The following CAPRIN1 variants were observed in gnomAD, a reference collection of about 807,000 sequenced individuals.
CAPRIN1 encodes cell cycle associated protein 1.
CAPRIN1 carries 29 observed loss-of-function variants against 100.9 expected under a neutral mutation model. The observed-to-expected ratio is 0.29, with a 90% confidence interval of 0.21 to 0.39. The LOEUF (loss-of-function observed/expected upper bound fraction) is 0.39. CAPRIN1 is among the 10% of genes least tolerant of loss of function. The pLI is 1.00. For synonymous variants in CAPRIN1, 338 were observed against 307.5 expected, an observed-to-expected ratio of 1.10 and a Z score of -1.04; for missense variants, 795 against 876.7, an observed-to-expected ratio of 0.91 and a Z score of 1.18.
chr11:34,094,759 T>C (rs1851335294), intron 15 of CAPRIN1, among the ~76,000 whole-genome samples: 1 of 152,262 alleles, frequency 6.6e-6, no homozygotes, highest in Non-Finnish European at 1.5e-5. Flanking sequence ...ATTATTTGAC[T>C]GAACTCCAAC....
chr11:34,100,565 CGTTA>C lies in CAPRIN1; in HGVS notation c.*1201_*1204del, dbSNP rs1192795878. The C allele has an allele frequency of 6.6e-6, 1 of 152,178 alleles. No homozygotes were observed. The highest frequency in any genetic ancestry group is 1.5e-5 in the Non-Finnish European group (1 of 68,014). The allele number at this position is 152,178 out of a possible 1,614,324, so 9.4% of individuals were successfully genotyped here. On this transcript the variant is annotated 3_prime_UTR_variant, in exon 19 of 19. Coordinates refer to ENST00000341394, the MANE Select transcript of CAPRIN1 (RefSeq NM_005898.5). The stretch of plus-strand genomic sequence containing the variant: ...AGCTTATGTGATTCACCCCATGCCA[CGTTA>C]GTGTCACAAATTTTATGGTTTATCT...
At position 34,087,354 on chromosome 11, in the gene CAPRIN1, G is replaced by A; in HGVS notation, c.1231+941G>A. Among the ~76,000 whole-genome samples the A allele has an allele frequency of 3.7e-5, 2 of 54,006 alleles. 1 individual carries two copies. Among genetic ancestry groups the A allele is most frequent in the South Asian group, 1.1e-3 (2 of 1,836 alleles). 35.4% of individuals were successfully genotyped at this position (54,006 alleles called of 152,430 possible). On this transcript the variant is annotated intron_variant, in intron 11 of 18. Coordinates refer to ENST00000341394, the MANE Select transcript of CAPRIN1 (RefSeq NM_005898.5). ...ATTTTTTTTTTTTTTTTTTTTTTGA[G>A]ACGGAGTCTCGCTCTGTCGCCCAGG...
chr11:34,070,505 C>T (rs543842490), intron 2 of CAPRIN1, among the ~76,000 whole-genome samples: 1 of 152,248 alleles, frequency 6.6e-6, no homozygotes, highest in African/African-American at 2.4e-5. Context: ...AGTGATTCTC[C>T]CACCTCAACC....
intron 16 of CAPRIN1, 46 bp downstream of exon 16, chr11:34,096,719 AATT>A: frequency 6.9e-7 from 1 of 1,446,916 alleles, no homozygotes. Context: ...TACTAGTTCA[AATT>A]ATTTTTTGAT....
At position 34,092,789 on chromosome 11, in the gene CAPRIN1, A is replaced by G. The variant is rs576822999; in HGVS notation, c.1705+733A>G. Among the ~76,000 whole-genome samples the G allele has an allele frequency of 1.6e-4, 24 of 152,248 alleles. No homozygotes were observed. The South Asian group carries it at 1.7e-3, about 11-fold the overall frequency. On this transcript the variant is annotated intron_variant, in intron 15 of 18. Coordinates refer to ENST00000341394, the MANE Select transcript of CAPRIN1 (RefSeq NM_005898.5). ...CGTGGACTGGGTTGAAACATAATCT[A>G]TTTTGTCAAGTAAGGTCATAATTTG...
At chr11:34,054,634 G>A (rs956922153) in intron 2 of CAPRIN1, among the ~76,000 whole-genome samples, 2 of 152,020 alleles carry the variant, frequency 1.3e-5, no homozygotes, top group Non-Finnish European at 2.9e-5. Flanking sequence ...TCACCCTGTT[G>A]GCCAGGATTG....
At position 34,101,813 on chromosome 11, in the gene CAPRIN1, AATGCAT is replaced by A. The variant is rs1486960155; in HGVS notation, c.*2449_*2454del. On this transcript the variant is annotated 3_prime_UTR_variant, in exon 19 of 19. Transcript: ENST00000341394. ...CTGCAGAAGGCCTTTTGTTTGGTCAAATGCATATTTTAGCAGAGTTTCAAGGAAATG... is the reference window on the plus strand; with the variant it reads ...CTGCAGAAGGCCTTTTGTTTGGTCAAATTTTAGCAGAGTTTCAAGGAAATG... Among the ~76,000 whole-genome samples, 1 of 152,146 alleles carries A rather than the reference AATGCAT, an allele frequency of 6.6e-6. No homozygotes were observed. Among genetic ancestry groups the A allele is most frequent in the African/African-American group, 2.4e-5 (1 of 41,452 alleles).
At chr11:34,098,791 A>G in intron 18 of CAPRIN1, 1 of 984,598 alleles carries the variant, frequency 1.0e-6, no homozygotes, top group Non-Finnish European at 1.2e-6. Context: ...AAGTTATTTT[A>G]TCTGTTAAAA....
intron 7 of CAPRIN1, among the ~76,000 whole-genome samples, chr11:34,081,831 G>C (rs1288085487): frequency 1.3e-5 from 2 of 151,158 alleles, no homozygotes; most frequent in Admixed American, 6.6e-5. Flanking sequence ...GGGACAGGGG[G>C]CACTGAGTCT....
chr11:34,068,400 G>A (rs936112967), intron 2 of CAPRIN1, among the ~76,000 whole-genome samples: 5 of 152,188 alleles, frequency 3.3e-5, no homozygotes, highest in African/African-American at 1.2e-4. Context: ...AGTTGTTAAT[G>A]GAGTAGTGCC....
chr11:34,079,770 G>GTAT lies in CAPRIN1; in HGVS notation c.826+8_826+10dup. The GTAT allele has an allele frequency of 1.2e-6, 2 of 1,608,178 alleles. No individual in the cohort carries two copies. Among genetic ancestry groups the GTAT allele is most frequent in the Non-Finnish European group, 1.7e-6 (2 of 1,177,884 alleles). ...AAGACCAGGTACCTGAAGCTGGTGA[G>GTAT]TATTAGGTGGATATCAACTTTAGTT... On this transcript the variant is annotated splice_donor_region_variant and intron_variant, in intron 7 of 18. Transcript: ENST00000341394.
At chr11:34,095,009 A>G (rs1338462400) in intron 15 of CAPRIN1, among the ~76,000 whole-genome samples, 3 of 151,892 alleles carry the variant, frequency 2.0e-5, no homozygotes, top group African/African-American at 7.3e-5. Context: ...CAGCCTCCCA[A>G]GTAGCTGGGA....
At chr11:34,071,682 T>C (rs369632324) in intron 2 of CAPRIN1, 44 bp from the exon 3 acceptor site, 2 of 1,411,330 alleles carry the variant, frequency 1.4e-6, no homozygotes, top group South Asian at 1.2e-5. Context: ...AGCTGGTATA[T>C]ACCTTCAAAA....
chr11:34,080,009 C>T (rs942101593), intron 7 of CAPRIN1, among the ~76,000 whole-genome samples: 5 of 150,954 alleles, frequency 3.3e-5, no homozygotes, highest in African/African-American at 9.8e-5. Context: ...CTGCAAGCTC[C>T]GCCTCCTGGG....
Position 34,097,239 on chromosome 11 carries a change from C to G in CAPRIN1, c.1944C>G (p.Asn648Lys). The change falls in exon 17 of 19, where the codon AAC (asparagine) becomes AAG (lysine). Residue 648 changes from asparagine to lysine, a missense_variant. Coordinates refer to ENST00000341394, the MANE Select transcript of CAPRIN1 (RefSeq NM_005898.5). ...GCCCTTCATTCTCTAACACTCCAAA[C>G]AGTGGTTATACACAGTCTCAGTTCA... The part of the protein sequence containing the change: ...GYRPSFSNTP[N>K]SGYTQSQFSA... The G allele has an allele frequency of 1.2e-6, 2 of 1,613,962 alleles. No homozygotes were observed. Among genetic ancestry groups the G allele is most frequent in the Non-Finnish European group, 1.7e-6 (2 of 1,179,848 alleles).
rs538268171 is a variant in CAPRIN1, at chr11:34,099,535, C to T, written c.*168C>T. On this transcript the variant is annotated 3_prime_UTR_variant, in exon 19 of 19. Transcript: ENST00000341394. ...ACTACAATTGTCAGCTTTCTATTACCTGGATATGGAAGGAAACTATTTTTA... is the reference window on the plus strand; with the variant it reads ...ACTACAATTGTCAGCTTTCTATTACTTGGATATGGAAGGAAACTATTTTTA... 39 of 630,680 alleles carry T rather than the reference C, an allele frequency of 6.2e-5. No homozygotes were observed. Among genetic ancestry groups the T allele is most frequent in the Non-Finnish European group, 9.9e-5 (35 of 353,990 alleles). 39.1% of individuals were successfully genotyped at this position (630,680 alleles called of 1,614,324 possible).
rs534410812 is a variant in CAPRIN1 at position 34,100,139 on chromosome 11, A to T, written c.*772A>T. ...GAAATATTTAGATACCTTTTTGAAC[A>T]CTTAACAGTTTCTTTGAGACAATGA... On this transcript the variant is annotated 3_prime_UTR_variant, in exon 19 of 19. Coordinates refer to ENST00000341394, the MANE Select transcript of CAPRIN1 (RefSeq NM_005898.5). The T allele has an allele frequency of 6.6e-6, 1 of 152,626 alleles. No individual in the cohort carries two copies. Among genetic ancestry groups the T allele is most frequent in the African/African-American group, 2.4e-5 (1 of 41,578 alleles). 9.5% of individuals were successfully genotyped at this position (152,626 alleles called of 1,614,324 possible).
At position 34,072,885 on chromosome 11, in the gene CAPRIN1, T is replaced by G. The variant is rs144060712; in HGVS notation, c.366+898T>G. ...ATTTTTACTGTACCTATTCTGTGTT[T>G]CGATATATAAATACCTCTGTGTTAC... is the stretch of plus-strand genomic sequence containing the variant. On this transcript the variant is annotated intron_variant, in intron 4 of 18. Transcript: ENST00000341394. Among the ~76,000 whole-genome samples the G allele has an allele frequency of 6.1e-3, 934 of 152,322 alleles. 14 individuals carry two copies. Among genetic ancestry groups the G allele is most frequent in the African/African-American group, 0.021 (889 of 41,562 alleles).
rs1201166743 is a variant in CAPRIN1, at chr11:34,076,223, T to C, written c.367-13T>C. 6 of 1,594,944 alleles carry C rather than the reference T, an allele frequency of 3.8e-6. No individual in the cohort carries two copies. Among genetic ancestry groups the C allele is most frequent in the South Asian group, 1.1e-5 (1 of 89,750 alleles). On this transcript the variant is annotated splice_polypyrimidine_tract_variant and intron_variant, in intron 4 of 18. Coordinates refer to ENST00000341394, the MANE Select transcript of CAPRIN1 (RefSeq NM_005898.5). ...AACTAATTTTGGTGTTTTACTTTTATATTGTTTTGCAGATTCAGAAAACAA... is the reference window on the plus strand; with the variant it reads ...AACTAATTTTGGTGTTTTACTTTTACATTGTTTTGCAGATTCAGAAAACAA...
Sources: allele counts gnomAD v4.1 joint callset (sites outside exome capture counted in the v4.1 genomes callset), GRCh38; gene constraint gnomAD v4.1.1; transcripts MANE v1.5; gene names NCBI Gene and HGNC (gene_info 2026-07-23, HGNC 2026-07-21).